Variants in NKAIN2 observed in about 807,000 individuals in gnomAD.
The protein encoded by NKAIN2 is sodium/potassium-transporting ATPase subunit beta-1-interacting protein 2.
A neutral mutation model predicts 32.6 loss-of-function variants in NKAIN2; 14 were observed. The observed-to-expected ratio is 0.43, with a 90% CI of 0.28 to 0.67. The LOEUF is 0.67. NKAIN2 is among the 30% of genes least tolerant of loss of function. NKAIN2 has a pLI of 0.17. For missense variants in NKAIN2, 198 were observed against 258.3 expected, an observed-to-expected ratio of 0.77 and a Z score of 1.60; for synonymous variants, 80 against 87.2, an observed-to-expected ratio of 0.92 and a Z score of 0.46.
At chr6:124,054,376 G>A (rs1782551738) in intron 1 of NKAIN2, among the ~76,000 whole-genome samples, 2 of 152,054 alleles carry the variant, frequency 1.3e-5, no homozygotes. Context: ...GGCTATAACA[G>A]CAGACATCAG....
chr6:124,692,819 G>GA (rs548346323), intron 4 of NKAIN2, among the ~76,000 whole-genome samples: 194 of 144,922 alleles, frequency 1.3e-3, no homozygotes, highest in Middle Eastern at 3.5e-3. Flanking sequence ...TGTCTCAAAA[G>GA]AAAAAAAAAA....
chr6:124,111,697 A>C (rs1398480773), intron 1 of NKAIN2, among the ~76,000 whole-genome samples: 1 of 151,908 alleles, frequency 6.6e-6, no homozygotes, highest in African/African-American at 2.4e-5. Flanking sequence ...TTTGCTATTG[A>C]CATTTTGTTA....
At chr6:124,756,874 A>T (rs1777990021) in intron 4 of NKAIN2, among the ~76,000 whole-genome samples, 1 of 152,146 alleles carries the variant, frequency 6.6e-6, no homozygotes, top group Non-Finnish European at 1.5e-5. Context: ...TTTAATCTGC[A>T]AAACATATTT....
intron 3 of NKAIN2, among the ~76,000 whole-genome samples, chr6:124,468,986 A>G (rs1776868583): frequency 6.6e-6 from 1 of 152,178 alleles, no homozygotes; most frequent in South Asian, 2.1e-4. Context: ...CTACCTTACA[A>G]CATTGCTCTA....
intron 1 of NKAIN2, among the ~76,000 whole-genome samples, chr6:124,271,371 C>G (rs1177277604): frequency 6.6e-6 from 1 of 152,158 alleles, no homozygotes; most frequent in Non-Finnish European, 1.5e-5. Context: ...CGCCTGCCAC[C>G]ACGCCTGGCT....
intron 3 of NKAIN2, among the ~76,000 whole-genome samples, chr6:124,460,024 C>G (rs1776471114): frequency 6.6e-6 from 1 of 151,610 alleles, no homozygotes; most frequent in Non-Finnish European, 1.5e-5. Flanking sequence ...GGTTTGAAAG[C>G]TATATATTCT....
At chr6:123,894,326 C>G (rs562705239) in intron 1 of NKAIN2, among the ~76,000 whole-genome samples, 11 of 152,236 alleles carry the variant, frequency 7.2e-5, no homozygotes, top group South Asian at 6.2e-4. Context: ...TGTTCAGATC[C>G]TAGCCTTCTG....
intron 4 of NKAIN2, among the ~76,000 whole-genome samples, chr6:124,725,749 G>A (rs534862720): frequency 5.9e-5 from 9 of 152,278 alleles, no homozygotes; most frequent in Admixed American, 2.0e-4. Context: ...AGCTCCCAGT[G>A]TGAGCGACGC....
chr6:123,895,615 A>G (rs1002696373), intron 1 of NKAIN2, among the ~76,000 whole-genome samples: 2 of 152,186 alleles, frequency 1.3e-5, no homozygotes, highest in Non-Finnish European at 2.9e-5. Context: ...TTAGACAAAG[A>G]AGACTGTAAC....
intron 1 of NKAIN2, among the ~76,000 whole-genome samples, chr6:123,858,819 C>T (rs1228431961): frequency 6.6e-6 from 1 of 152,106 alleles, no homozygotes; most frequent in African/African-American, 2.4e-5. Flanking sequence ...AGTGTGATGC[C>T]AGAAGATTTA....
intron 3 of NKAIN2, among the ~76,000 whole-genome samples, chr6:124,559,901 A>G (rs1218322634): frequency 2.1e-5 from 3 of 140,260 alleles, no homozygotes; most frequent in African/African-American, 8.2e-5. Context: ...TCACTTCCAC[A>G]AGATAACCTA....
chr6:124,353,480 C>T (rs893531623), intron 2 of NKAIN2, among the ~76,000 whole-genome samples: 1 of 152,036 alleles, frequency 6.6e-6, no homozygotes, highest in Non-Finnish European at 1.5e-5. Flanking sequence ...ACAGGCCGGG[C>T]GTGGTGGCTC....
Position 124,212,456 on chromosome 6 carries a change from G to A in NKAIN2, c.55-70549G>A, listed in dbSNP as rs549953404. On this transcript the variant is annotated intron_variant, in intron 1 of 6. Transcript: ENST00000368417. Reference sequence around the variant, plus strand: ...TAATATTAGTTAATAGAGTGTTAGAGAGTTTACAGTATTCTCACCTAGGAA... The same window carrying A: ...TAATATTAGTTAATAGAGTGTTAGAAAGTTTACAGTATTCTCACCTAGGAA... Among the ~76,000 whole-genome samples, 9 of 152,144 alleles carry A rather than the reference G, an allele frequency of 5.9e-5. No individual in the cohort carries two copies. In the South Asian group the frequency reaches 1.9e-3, roughly 32 times the overall value.
At chr6:123,833,726 T>TGTGTGTGTGTGTG (rs1554211809) in intron 1 of NKAIN2, among the ~76,000 whole-genome samples, 1 of 150,126 alleles carries the variant, frequency 6.7e-6, no homozygotes, top group African/African-American at 2.5e-5. Context: ...TGTGTGTGTG[T>TGTGTGTGTGTGTG]TTCCTGTGGA....
intron 1 of NKAIN2, among the ~76,000 whole-genome samples, chr6:123,965,438 TC>T (rs896870415): frequency 6.6e-6 from 1 of 152,126 alleles, no homozygotes; most frequent in Non-Finnish European, 1.5e-5. Context: ...ATCATGTTAA[TC>T]CCCCTCTCTC....
chr6:124,230,766 T>A (rs1792405644), intron 1 of NKAIN2, among the ~76,000 whole-genome samples: 1 of 152,156 alleles, frequency 6.6e-6, no homozygotes. Context: ...AGATGGCAGA[T>A]GATGTTTGGA....
At chr6:123,978,918 T>C (rs1252597981) in intron 1 of NKAIN2, among the ~76,000 whole-genome samples, 1 of 152,192 alleles carries the variant, frequency 6.6e-6, no homozygotes, top group Non-Finnish European at 1.5e-5. Flanking sequence ...ACAAAGCAGA[T>C]TTATGCAACT....
intron 1 of NKAIN2, among the ~76,000 whole-genome samples, chr6:123,965,404 C>T (rs1288742839): frequency 6.6e-6 from 1 of 152,146 alleles, no homozygotes; most frequent in Non-Finnish European, 1.5e-5. Flanking sequence ...GAAATTTAGG[C>T]TTAGGAGTCA....
chr6:123,944,222 G>C (rs1013583430), intron 1 of NKAIN2, among the ~76,000 whole-genome samples: 2 of 151,986 alleles, frequency 1.3e-5, no homozygotes, highest in Admixed American at 6.6e-5. Flanking sequence ...CTTGTCATCA[G>C]CCTTCATTCC....
Sources: gnomAD v4.1 joint callset for allele counts (sites outside exome capture counted in the v4.1 genomes callset) on GRCh38, gnomAD v4.1.1 for gene constraint, MANE v1.5 for transcripts, NCBI Gene and HGNC (gene_info 2026-07-23, HGNC 2026-07-21) for gene names.